The following FOXP2 variants were observed in gnomAD, a reference collection of about 807,000 sequenced individuals.
The protein encoded by FOXP2 is forkhead box P2.
FOXP2 carries 12 observed loss-of-function variants against 115.8 expected under a neutral mutation model. That is an observed-to-expected ratio of 0.10 (90% CI 0.07 to 0.17). The LOEUF (loss-of-function observed/expected upper bound fraction) is 0.17, where lower values mean the gene tolerates loss of function less well. Ranked by LOEUF, FOXP2 falls within the 10% of genes least tolerant of loss-of-function variation. The pLI is 1.00. For missense variants in FOXP2, 629 were observed against 843.5 expected, an observed-to-expected ratio of 0.75 and a Z score of 3.15; for synonymous variants, 328 against 297.7, an observed-to-expected ratio of 1.10 and a Z score of -1.05.
At chr7:114,548,668 C>T (rs776218167) in intron 3 of FOXP2, among the ~76,000 whole-genome samples, 1 of 152,102 alleles carries the variant, frequency 6.6e-6, no homozygotes, top group Admixed American at 6.5e-5. Flanking sequence ...ATTAAAGACT[C>T]AGTATATACT....
intron 2 of FOXP2, among the ~76,000 whole-genome samples, chr7:114,440,753 G>C (rs59219238): frequency 0.022 from 3,340 of 152,148 alleles, 94 homozygotes; most frequent in African/African-American, 0.073. Flanking sequence ...TATCATCCAT[G>C]GCTATTCTAC....
intron 1 of FOXP2, among the ~76,000 whole-genome samples, chr7:114,282,029 A>G (rs1411513270): frequency 1.3e-5 from 2 of 152,164 alleles, no homozygotes; most frequent in Admixed American, 1.3e-4. Flanking sequence ...GCTCAAAGAG[A>G]GCAAATTTAA....
chr7:114,387,567 T>C (rs935632612), intron 2 of FOXP2, among the ~76,000 whole-genome samples: 1 of 152,174 alleles, frequency 6.6e-6, no homozygotes, highest in Non-Finnish European at 1.5e-5. Flanking sequence ...GTATGCTTTT[T>C]ACAACGTGTC....
At chr7:114,101,133 TTGA>T (rs1399210251) in intron 1 of FOXP2, among the ~76,000 whole-genome samples, 1 of 152,138 alleles carries the variant, frequency 6.6e-6, no homozygotes, top group Non-Finnish European at 1.5e-5. Flanking sequence ...GTGGTTTGGG[TTGA>T]TGTTTCACCT....
intron 2 of FOXP2, among the ~76,000 whole-genome samples, chr7:114,294,831 A>G (rs1477785780): frequency 2.0e-5 from 3 of 148,944 alleles, no homozygotes; most frequent in Non-Finnish European, 4.5e-5. Context: ...ACAGAAGGAG[A>G]CACTGCCTCA....
intron 3 of FOXP2, among the ~76,000 whole-genome samples, chr7:114,588,239 G>A (rs1359101393): frequency 1.3e-5 from 2 of 151,834 alleles, no homozygotes; most frequent in African/African-American, 4.8e-5. Flanking sequence ...CCTGAGAGGC[G>A]GAGGTTGCCG....
intron 10 of FOXP2, among the ~76,000 whole-genome samples, chr7:114,654,645 T>C (rs986033190): frequency 4.1e-4 from 62 of 152,258 alleles, no homozygotes; most frequent in African/African-American, 1.5e-3. Flanking sequence ...CTCAACCTAA[T>C]AATGTAGTCA....
At chr7:114,678,344 A>G (rs1807886337) in intron 16 of FOXP2, among the ~76,000 whole-genome samples, 1 of 152,074 alleles carries the variant, frequency 6.6e-6, no homozygotes, top group African/African-American at 2.4e-5. Flanking sequence ...GGATGGGGAT[A>G]CCTGTAAAAT....
intron 3 of FOXP2, among the ~76,000 whole-genome samples, chr7:114,578,044 A>G (rs139230722): frequency 6.6e-6 from 1 of 152,126 alleles, no homozygotes; most frequent in East Asian, 1.9e-4. Context: ...CTAGTGTATC[A>G]TATACATATA....
chr7:114,152,576 T>A (rs1225906474), intron 1 of FOXP2, among the ~76,000 whole-genome samples: 1 of 152,124 alleles, frequency 6.6e-6, no homozygotes, highest in African/African-American at 2.4e-5. Context: ...GAGGTAACAG[T>A]CTCTTGTGGT....
intron 2 of FOXP2, among the ~76,000 whole-genome samples, chr7:114,475,034 A>C (rs1796198302): frequency 6.6e-6 from 1 of 152,086 alleles, no homozygotes; most frequent in Admixed American, 6.6e-5. Context: ...AGTCTGTATG[A>C]GTCTGAAATC....
chr7:114,269,593 C>T (rs147655854), intron 1 of FOXP2, among the ~76,000 whole-genome samples: 105 of 152,104 alleles, frequency 6.9e-4, no homozygotes, highest in African/African-American at 2.4e-3. Flanking sequence ...GCCTGGCCAG[C>T]AGTTTTTATT....
At chr7:114,566,479 T>G (rs920069936) in intron 3 of FOXP2, among the ~76,000 whole-genome samples, 5 of 151,842 alleles carry the variant, frequency 3.3e-5, no homozygotes, top group African/African-American at 1.2e-4. Context: ...TAAAAAAGAG[T>G]CTGGCACCTC....
chr7:114,673,093 G>A (rs1807581158), intron 16 of FOXP2, among the ~76,000 whole-genome samples: 1 of 152,156 alleles, frequency 6.6e-6, no homozygotes, highest in Admixed American at 6.5e-5. Flanking sequence ...CAACAAACAA[G>A]GCAATAATAC....
intron 1 of FOXP2, among the ~76,000 whole-genome samples, chr7:114,197,207 C>CAAAACAA (rs1236439567): frequency 6.6e-6 from 1 of 151,868 alleles, no homozygotes; most frequent in Non-Finnish European, 1.5e-5. Flanking sequence ...CAAAACAAAG[C>CAAAACAA]AAAACAAAAA....
At chr7:114,204,240 A>G (rs1328587318) in intron 1 of FOXP2, among the ~76,000 whole-genome samples, 1 of 152,200 alleles carries the variant, frequency 6.6e-6, no homozygotes, top group Non-Finnish European at 1.5e-5. Context: ...AACATATCCA[A>G]AATATTATCA....
chr7:114,148,175 T>C (rs1037452523), intron 1 of FOXP2, among the ~76,000 whole-genome samples: 1 of 152,274 alleles, frequency 6.6e-6, no homozygotes, highest in East Asian at 1.9e-4. Context: ...ATTGCGGGGA[T>C]TGGGGGAAGA....
At chr7:114,201,499 T>G (rs1480903062) in intron 1 of FOXP2, among the ~76,000 whole-genome samples, 3 of 152,096 alleles carry the variant, frequency 2.0e-5, no homozygotes, top group Non-Finnish European at 2.9e-5. Flanking sequence ...ATAATCAAAT[T>G]TAAGGAATTT....
chr7:114,492,960 A>G (rs1440130412), intron 2 of FOXP2, among the ~76,000 whole-genome samples: 1 of 152,010 alleles, frequency 6.6e-6, no homozygotes, highest in Non-Finnish European at 1.5e-5. Context: ...CAATTCCTGG[A>G]TATCTTTGTT....
Sources: gnomAD v4.1 joint callset for allele counts (sites outside exome capture counted in the v4.1 genomes callset) on GRCh38, gnomAD v4.1.1 for gene constraint, MANE v1.5 for transcripts, NCBI Gene and HGNC (gene_info 2026-07-23, HGNC 2026-07-21) for gene names.